Variants in ERC2 observed in about 807,000 individuals in gnomAD.
The protein encoded by ERC2 is ELKS/RAB6-interacting/CAST family member 2.
ERC2 carries 42 observed loss-of-function variants against 114.8 expected under a neutral mutation model. The observed-to-expected ratio is 0.37, with a 90% CI of 0.29 to 0.47. The LOEUF (loss-of-function observed/expected upper bound fraction) is 0.47, where lower values mean the gene tolerates loss of function less well. ERC2 is among the 20% of genes least tolerant of loss of function. The pLI, the probability that ERC2 is intolerant of heterozygous loss-of-function variation, is 0.99. For missense variants in ERC2, 939 were observed against 1,150.7 expected, an observed-to-expected ratio of 0.82 and a Z score of 2.66; for synonymous variants, 454 against 425.5, an observed-to-expected ratio of 1.07 and a Z score of -0.82.
At chr3:56,415,734 G>T (rs1376319984) in intron 2 of ERC2, among the ~76,000 whole-genome samples, 1 of 152,136 alleles carries the variant, frequency 6.6e-6, no homozygotes, top group Non-Finnish European at 1.5e-5. Context: ...TTCTCCTGGG[G>T]AAATGCTGGT....
chr3:55,841,439 G>C (rs1487520277), intron 14 of ERC2, among the ~76,000 whole-genome samples: 1 of 152,114 alleles, frequency 6.6e-6, no homozygotes, highest in Non-Finnish European at 1.5e-5. Flanking sequence ...TGATTGTGAG[G>C]CCTCCCCAGC....
At chr3:55,781,899 A>G (rs2069091448) in intron 14 of ERC2, among the ~76,000 whole-genome samples, 1 of 151,738 alleles carries the variant, frequency 6.6e-6, no homozygotes, top group Admixed American at 6.6e-5. Context: ...AAAAACGGAA[A>G]AGGAAGAGGG....
At chr3:55,929,654 C>T (rs754822521) in intron 13 of ERC2, among the ~76,000 whole-genome samples, 39 of 152,310 alleles carry the variant, frequency 2.6e-4, no homozygotes, top group Non-Finnish European at 5.0e-4. Context: ...AATCACGTGT[C>T]TGACTGTAAT....
chr3:56,431,940 T>C (rs571110217), intron 2 of ERC2, among the ~76,000 whole-genome samples: 18 of 152,182 alleles, frequency 1.2e-4, no homozygotes, highest in Non-Finnish European at 2.2e-4. Flanking sequence ...GAAGGGATAA[T>C]GGAAGTGCCC....
chr3:55,745,882 G>A (rs1338009593), intron 14 of ERC2, among the ~76,000 whole-genome samples: 2 of 152,162 alleles, frequency 1.3e-5, no homozygotes, highest in Admixed American at 6.5e-5. Flanking sequence ...TTGGTGAAGT[G>A]AGGTTATGTG....
chr3:55,533,621 G>A (rs1293026668), intron 17 of ERC2, among the ~76,000 whole-genome samples: 3 of 152,184 alleles, frequency 2.0e-5, no homozygotes, highest in African/African-American at 7.2e-5. Context: ...TGGGGTGAGG[G>A]CAGTGGGTAG....
chr3:55,918,753 A>G (rs371930214), intron 13 of ERC2, among the ~76,000 whole-genome samples: 1 of 151,318 alleles, frequency 6.6e-6, no homozygotes, highest in Non-Finnish European at 1.5e-5. Flanking sequence ...CAGCACCAAC[A>G]ACCAGATATG....
At chr3:55,554,988 CA>C (rs2107447207) in intron 17 of ERC2, among the ~76,000 whole-genome samples, 1 of 152,322 alleles carries the variant, frequency 6.6e-6, no homozygotes, top group South Asian at 2.1e-4. Context: ...GGCTCTCAGA[CA>C]GAAACTTCAC....
At chr3:55,825,603 T>G (rs1047401298) in intron 14 of ERC2, among the ~76,000 whole-genome samples, 1 of 152,222 alleles carries the variant, frequency 6.6e-6, no homozygotes, top group Non-Finnish European at 1.5e-5. Flanking sequence ...TTTTTTTCAA[T>G]GGACATAGTT....
chr3:56,191,697 C>T (rs2047795620), intron 3 of ERC2, among the ~76,000 whole-genome samples: 1 of 152,090 alleles, frequency 6.6e-6, no homozygotes, highest in South Asian at 2.1e-4. Flanking sequence ...AATCTCATCC[C>T]CAGCCAGTTA....
At chr3:55,799,385 ATATATATATGCATATATATATATGCCT>A (rs1297077646) in intron 14 of ERC2, among the ~76,000 whole-genome samples, 15 of 138,260 alleles carry the variant, frequency 1.1e-4, no homozygotes, top group Admixed American at 2.9e-4. Flanking sequence ...TATGCCTTAT[ATATATATATGCATATATATATATGCCT>A]TATATATATG....
intron 6 of ERC2, among the ~76,000 whole-genome samples, chr3:56,095,097 AATAAAAAATTGTTT>A (rs1205026932): frequency 6.6e-6 from 1 of 152,118 alleles, no homozygotes; most frequent in African/African-American, 2.4e-5. Context: ...TACTAAATAA[AATAAAAAATTGTTT>A]GGGCATGGTG....
At position 56,107,482 on chromosome 3, in the gene ERC2, G is replaced by C. The variant is rs141503694; in HGVS notation, c.1474-26498C>G. 4.3e-3 allele frequency among the ~76,000 whole-genome samples: 653 copies of C among 152,130 alleles called. 2 individuals are homozygous for C. The highest frequency in any genetic ancestry group is 7.7e-3 in the Non-Finnish European group (526 of 68,014). On this transcript the variant is annotated intron_variant, in intron 6 of 17. Transcript: ENST00000288221. Reference sequence around the variant, plus strand: ...ACCCTTACTGACCTACTCTGGTCAAGCCACTCACCCAGTCTCTGCTTCAGT... The same window carrying C: ...ACCCTTACTGACCTACTCTGGTCAACCCACTCACCCAGTCTCTGCTTCAGT...
At chr3:55,835,238 C>T (rs991368927) in intron 14 of ERC2, among the ~76,000 whole-genome samples, 1 of 152,126 alleles carries the variant, frequency 6.6e-6, no homozygotes, top group Non-Finnish European at 1.5e-5. Flanking sequence ...GGGAATCCTC[C>T]CTAACTCATT....
chr3:56,385,822 C>G (rs984494605), intron 2 of ERC2, among the ~76,000 whole-genome samples: 7 of 152,264 alleles, frequency 4.6e-5, no homozygotes, highest in African/African-American at 1.7e-4. Context: ...AGAAGACTCT[C>G]TAAAGACACC....
intron 13 of ERC2, among the ~76,000 whole-genome samples, chr3:55,912,499 C>T (rs2064866593): frequency 6.6e-6 from 1 of 152,154 alleles, no homozygotes; most frequent in Admixed American, 6.5e-5. Flanking sequence ...TATGTGTGTG[C>T]ATGTGTAAGT....
rs183764375 is a variant in ERC2 at position 55,730,163 on chromosome 3, C to T, written c.2712+4608G>A. Among the ~76,000 whole-genome samples the T allele has an allele frequency of 3.9e-5, 6 of 152,260 alleles. No individual in the cohort carries two copies. In the East Asian group the frequency reaches 1.2e-3, roughly 29 times the overall value. ...AGGGAGTCAGTGTTCAGCCTAGCCA[C>T]AAGCAAGGTCTTAGCACTCCTGCAG... On this transcript the variant is annotated intron_variant, in intron 15 of 17. Transcript: ENST00000288221.
chr3:55,612,568 C>G (rs555340576), intron 17 of ERC2: 86 of 152,328 alleles, frequency 5.6e-4, no homozygotes, highest in African/African-American at 1.9e-3. Flanking sequence ...ATTTGGTGTT[C>G]ATGCTTATAT....
At chr3:55,818,043 C>T (rs771781458) in intron 14 of ERC2, among the ~76,000 whole-genome samples, 11 of 152,190 alleles carry the variant, frequency 7.2e-5, no homozygotes, top group Non-Finnish European at 1.3e-4. Flanking sequence ...AGGCACCTCA[C>T]TTCTGGGGGA....
Sources: gnomAD v4.1 joint callset for allele counts (sites outside exome capture counted in the v4.1 genomes callset) on GRCh38, gnomAD v4.1.1 for gene constraint, MANE v1.5 for transcripts, NCBI Gene and HGNC (gene_info 2026-07-23, HGNC 2026-07-21) for gene names.